Variants in CREB5 observed in about 807,000 individuals in gnomAD.
CREB5 encodes the protein cAMP responsive element binding protein 5, also known as cyclic AMP-responsive element-binding protein 5.
In CREB5, 19 loss-of-function variants were observed where a neutral mutation model predicts 57.1. That is an observed-to-expected ratio of 0.33 (90% CI 0.23 to 0.49). The LOEUF (loss-of-function observed/expected upper bound fraction) is 0.49, where lower values mean the gene tolerates loss of function less well. Ranked by LOEUF, CREB5 falls within the 20% of genes least tolerant of loss-of-function variation. The pLI is 0.99. For synonymous variants in CREB5, 238 were observed against 238.3 expected, an observed-to-expected ratio of 1.00 and a Z score of 0.01; for missense variants, 579 against 671.6, an observed-to-expected ratio of 0.86 and a Z score of 1.52.
chr7:28,524,316 AACACACACACACACAC>A (rs4000595), intron 4 of CREB5, among the ~76,000 whole-genome samples: 5,302 of 136,640 alleles, frequency 0.039, 132 homozygotes, highest in East Asian at 0.14. Context: ...GCCTCTACTA[AACACACACACACACAC>A]ACACACACAC....
intron 7 of CREB5, among the ~76,000 whole-genome samples, chr7:28,786,069 G>A (rs1038819669): frequency 2.0e-5 from 3 of 152,128 alleles, no homozygotes; most frequent in African/African-American, 7.3e-5. Context: ...GATAGTGTCA[G>A]AGGCTGAAAG....
At chr7:28,373,158 T>G (rs1786748451) in intron 1 of CREB5, among the ~76,000 whole-genome samples, 1 of 152,284 alleles carries the variant, frequency 6.6e-6, no homozygotes, top group African/African-American at 2.4e-5. Flanking sequence ...TCCCCTCTCA[T>G]GGAGTAAATT....
intron 5 of CREB5, among the ~76,000 whole-genome samples, chr7:28,620,119 A>T (rs191826503): frequency 3.3e-5 from 5 of 152,278 alleles, no homozygotes; most frequent in Non-Finnish European, 4.4e-5. Flanking sequence ...TTAACTGGGG[A>T]TATATTTAAT....
chr7:28,780,272 T>C (rs1806896955), intron 7 of CREB5, among the ~76,000 whole-genome samples: 1 of 152,160 alleles, frequency 6.6e-6, no homozygotes, highest in Non-Finnish European at 1.5e-5. Context: ...CTGAATGCCA[T>C]TGGAACTACC....
rs939439175 is a variant in CREB5, at chr7:28,329,174, G to T, written c.-25+29733G>T. 8.5e-5 allele frequency among the ~76,000 whole-genome samples: 13 copies of T among 152,172 alleles called. 1 individual carries two copies. The South Asian group carries it at 2.5e-3, about 29-fold the overall frequency. ...TAGATGAATAGGGATTAGCATATGG[G>T]GAAATTTCTCACAGAAAGGGAACCA... On this transcript the variant is annotated intron_variant, in intron 1 of 9. Transcript: ENST00000396299.
chr7:28,547,173 G>A (rs1180441921), intron 4 of CREB5, among the ~76,000 whole-genome samples: 1 of 152,230 alleles, frequency 6.6e-6, no homozygotes, highest in East Asian at 1.9e-4. Context: ...ACCTGTGTGA[G>A]AATATAGGGA....
chr7:28,466,344 A>G (rs888878325), intron 1 of CREB5, among the ~76,000 whole-genome samples: 1 of 152,196 alleles, frequency 6.6e-6, no homozygotes, highest in East Asian at 1.9e-4. Flanking sequence ...CACTGCTGCA[A>G]GGGAAAGCTT....
chr7:28,364,438 C>G (rs1475266236), intron 1 of CREB5, among the ~76,000 whole-genome samples: 1 of 152,172 alleles, frequency 6.6e-6, no homozygotes, highest in Admixed American at 6.5e-5. Flanking sequence ...CGTTGAGTGT[C>G]AACAACATGT....
intron 7 of CREB5, among the ~76,000 whole-genome samples, chr7:28,789,412 C>T (rs1807531880): frequency 6.6e-6 from 1 of 152,086 alleles, no homozygotes; most frequent in Non-Finnish European, 1.5e-5. Context: ...TCTTTCAGTC[C>T]CCTCTCCCCA....
chr7:28,574,170 A>C (rs1795816518), intron 5 of CREB5, among the ~76,000 whole-genome samples: 1 of 152,200 alleles, frequency 6.6e-6, no homozygotes, highest in African/African-American at 2.4e-5. Flanking sequence ...CCCAGATGGA[A>C]AAAAAGAGTG....
At chr7:28,810,976 G>GAGAA (rs1274044974) in intron 9 of CREB5, among the ~76,000 whole-genome samples, 7 of 152,178 alleles carry the variant, frequency 4.6e-5, no homozygotes, top group African/African-American at 1.7e-4. Context: ...TAGACATGAT[G>GAGAA]AGAAAGAAAC....
chr7:28,301,599 C>T (rs576086947), intron 1 of CREB5, among the ~76,000 whole-genome samples: 14 of 152,260 alleles, frequency 9.2e-5, no homozygotes, highest in South Asian at 4.2e-4. Context: ...TAATAAGATC[C>T]TTATTGTCTA....
At chr7:28,748,762 G>A (rs1804820067) in intron 7 of CREB5, among the ~76,000 whole-genome samples, 1 of 152,142 alleles carries the variant, frequency 6.6e-6, no homozygotes, top group Non-Finnish European at 1.5e-5. Context: ...CGTGCAATGA[G>A]GATTTTAAGA....
chr7:28,640,662 T>C (rs1162295454), intron 5 of CREB5, among the ~76,000 whole-genome samples: 3 of 152,314 alleles, frequency 2.0e-5, no homozygotes, highest in Non-Finnish European at 4.4e-5. Context: ...GCTGGCCACA[T>C]GCTGGAAGAA....
At chr7:28,528,704 C>CAA (rs778154325) in intron 4 of CREB5, among the ~76,000 whole-genome samples, 1,225 of 56,184 alleles carry the variant, frequency 0.022, 34 homozygotes, top group East Asian at 0.032. Flanking sequence ...AACTCCATCT[C>CAA]AAAAAAAAAA....
At position 28,825,485 on chromosome 7, in the gene CREB5, AAAG is replaced by A. The variant is rs1053402506; in HGVS notation, c.*6209_*6211del. The A allele has an allele frequency of 8.5e-5, 13 of 152,624 alleles. No homozygotes were observed. Among genetic ancestry groups the A allele is most frequent in the African/African-American group, 2.9e-4 (12 of 41,452 alleles). The allele number at this position is 152,624 out of a possible 1,614,324, so 9.5% of individuals were successfully genotyped here. A position where few individuals can be genotyped will look rare whatever the true frequency, so the allele number is the denominator to read the frequency against. ...TAAATATTGTCCAAAAATATAATTA[AAAG>A]AAAAAAGTTTAGCACTGTGTAAAGT... On this transcript the variant is annotated 3_prime_UTR_variant, in exon 11 of 11. Coordinates refer to ENST00000357727, the MANE Select transcript of CREB5 (RefSeq NM_182898.4).
chr7:28,423,285 T>C (rs1788352110), intron 1 of CREB5, among the ~76,000 whole-genome samples: 1 of 152,204 alleles, frequency 6.6e-6, no homozygotes, highest in African/African-American at 2.4e-5. Flanking sequence ...CTTCATTAAA[T>C]ATTAACTGAG....
intron 1 of CREB5, among the ~76,000 whole-genome samples, chr7:28,406,764 A>G (rs772778908): frequency 3.9e-5 from 6 of 152,214 alleles, no homozygotes; most frequent in Admixed American, 6.5e-5. Context: ...AGACTGAGTG[A>G]GCATGAGGCA....
At chr7:28,637,928 C>T (rs1798488599) in intron 5 of CREB5, among the ~76,000 whole-genome samples, 1 of 152,176 alleles carries the variant, frequency 6.6e-6, no homozygotes, top group South Asian at 2.1e-4. Context: ...GGAATTCAGA[C>T]AGCTCAGTGC....
Sources: allele counts gnomAD v4.1 joint callset (sites outside exome capture counted in the v4.1 genomes callset), GRCh38; gene constraint gnomAD v4.1.1; transcripts MANE v1.5; gene names NCBI Gene and HGNC (gene_info 2026-07-23, HGNC 2026-07-21).